MALRD1: variants seen among roughly 807,000 people sequenced by gnomAD.
MALRD1 encodes MAM and LDL-receptor class A domain-containing protein 1.
A neutral mutation model predicts 242.1 loss-of-function variants in MALRD1; 247 were observed. The ratio of observed to expected loss-of-function variants is 1.02; its 90% CI spans 0.92 to 1.13. The LOEUF is 1.13. Among genes scored for constraint, MALRD1 ranks in the 50% most tolerant of loss-of-function variants. The pLI is 0.00. For missense variants in MALRD1, 2,989 were observed against 2,533.1 expected, an observed-to-expected ratio of 1.18 and a Z score of -3.86; for synonymous variants, 995 against 866.6, an observed-to-expected ratio of 1.15 and a Z score of -2.60.
At chr10:19,205,898 G>C (rs1371158964) in intron 17 of MALRD1, among the ~76,000 whole-genome samples, 1 of 133,290 alleles carries the variant, frequency 7.5e-6, no homozygotes, top group East Asian at 2.5e-4. Context: ...AAATAAGTTA[G>C]AAGTTAATAG....
chr10:19,540,709 C>T (rs1482012199), intron 32 of MALRD1, among the ~76,000 whole-genome samples: 4 of 151,944 alleles, frequency 2.6e-5, no homozygotes, highest in East Asian at 3.9e-4. Context: ...TTTCTCCAGG[C>T]ATATGTTGAG....
In MALRD1 at chr10:19,691,621, A is replaced by G. The variant is rs560182864; in HGVS notation, c.6138-661A>G. On this transcript the variant is annotated intron_variant, in intron 36 of 39. Transcript: ENST00000454679. ...CAATACATTTACTGCTTAGCAATAA[A>G]CCTTATCCCTTAGAGGCAGAAGGTA... Among the ~76,000 whole-genome samples the G allele has an allele frequency of 1.8e-4, 27 of 152,124 alleles. 1 individual carries two copies. In the South Asian group the frequency reaches 5.4e-3, roughly 30 times the overall value.
intron 34 of MALRD1, among the ~76,000 whole-genome samples, chr10:19,606,661 C>T (rs894167707): frequency 2.0e-5 from 3 of 152,078 alleles, no homozygotes; most frequent in African/African-American, 4.8e-5. Flanking sequence ...TCCCATTAAA[C>T]ACTCTGAGAA....
At chr10:19,164,252 T>G (rs1398030726) in intron 12 of MALRD1, among the ~76,000 whole-genome samples, 1 of 152,184 alleles carries the variant, frequency 6.6e-6, no homozygotes, top group Non-Finnish European at 1.5e-5. Flanking sequence ...AATAGAATGC[T>G]TGGTGTTTTA....
intron 36 of MALRD1, among the ~76,000 whole-genome samples, chr10:19,671,241 G>A (rs1188502982): frequency 6.6e-6 from 1 of 152,074 alleles, no homozygotes; most frequent in Non-Finnish European, 1.5e-5. Flanking sequence ...AATATGGAAT[G>A]TAAATCCCAT....
At chr10:19,481,580 A>G (rs1169580089) in intron 29 of MALRD1, among the ~76,000 whole-genome samples, 5 of 152,174 alleles carry the variant, frequency 3.3e-5, no homozygotes, top group African/African-American at 1.2e-4. Context: ...CCCAAATTAT[A>G]TGTCCCCTTT....
intron 21 of MALRD1, among the ~76,000 whole-genome samples, chr10:19,292,656 G>A (rs1034031590): frequency 1.3e-5 from 2 of 152,058 alleles, no homozygotes; most frequent in Non-Finnish European, 2.9e-5. Context: ...ACTTTGGGAG[G>A]CTGAGGCGGG....
intron 34 of MALRD1, among the ~76,000 whole-genome samples, chr10:19,597,572 C>T (rs1245372332): frequency 6.6e-6 from 1 of 152,172 alleles, no homozygotes; most frequent in Non-Finnish European, 1.5e-5. Flanking sequence ...TTTGTAAACT[C>T]ACATTCATTC....
intron 14 of MALRD1, among the ~76,000 whole-genome samples, chr10:19,199,301 C>A (rs1398406703): frequency 1.3e-5 from 2 of 152,230 alleles, no homozygotes; most frequent in Middle Eastern, 3.4e-3. Flanking sequence ...GTATCATCTT[C>A]CATTAAAAAC....
chr10:19,095,725 G>A (rs2131314431), intron 4 of MALRD1, among the ~76,000 whole-genome samples: 2 of 152,242 alleles, frequency 1.3e-5, no homozygotes, highest in Admixed American at 1.3e-4. Flanking sequence ...CACCAATAAT[G>A]TATTTAATTT....
intron 38 of MALRD1, among the ~76,000 whole-genome samples, chr10:19,706,776 T>C (rs1368695075): frequency 6.6e-6 from 1 of 152,158 alleles, no homozygotes; most frequent in Non-Finnish European, 1.5e-5. Context: ...CTGGCTTTTA[T>C]GGATTTCATT....
At chr10:19,148,743 G>A (rs796740645) in intron 11 of MALRD1, among the ~76,000 whole-genome samples, 9 of 136,310 alleles carry the variant, frequency 6.6e-5, no homozygotes, top group South Asian at 2.3e-4. Flanking sequence ...GGACAAAAAC[G>A]CAGTCTTTCT....
chr10:19,633,528 A>G (rs925977998), intron 36 of MALRD1, among the ~76,000 whole-genome samples: 6 of 152,048 alleles, frequency 3.9e-5, no homozygotes, highest in Admixed American at 3.9e-4. Context: ...AAAATATACA[A>G]ATCCTACAGA....
intron 1 of MALRD1, among the ~76,000 whole-genome samples, chr10:19,056,451 A>G (rs543253972): frequency 7.2e-5 from 11 of 152,068 alleles, no homozygotes; most frequent in South Asian, 2.1e-4. Flanking sequence ...ATGTGTTGCT[A>G]TTGTAAATGG....
At chr10:19,200,032 G>T (rs1243285699) in intron 14 of MALRD1, among the ~76,000 whole-genome samples, 4 of 152,094 alleles carry the variant, frequency 2.6e-5, no homozygotes, top group Admixed American at 6.6e-5. Context: ...AGGAGGCTGA[G>T]TCGGAGAACG....
At chr10:19,496,715 G>A (rs529461689) in intron 30 of MALRD1, among the ~76,000 whole-genome samples, 26 of 152,242 alleles carry the variant, frequency 1.7e-4, no homozygotes, top group African/African-American at 6.3e-4. Context: ...GGATGACTAA[G>A]GCCAATACAG....
intron 36 of MALRD1, among the ~76,000 whole-genome samples, chr10:19,628,531 C>A (rs1023281664): frequency 6.6e-6 from 1 of 151,636 alleles, no homozygotes. Flanking sequence ...ATATTAAGAT[C>A]CTATTTGGAG....
At chr10:19,632,577 C>T (rs1211055555) in intron 36 of MALRD1, among the ~76,000 whole-genome samples, 1 of 151,834 alleles carries the variant, frequency 6.6e-6, no homozygotes, top group Admixed American at 6.6e-5. Flanking sequence ...TTTTTGATAA[C>T]AAAAATTCTA....
At chr10:19,556,522 C>T (rs1351220574) in intron 32 of MALRD1, among the ~76,000 whole-genome samples, 3 of 152,200 alleles carry the variant, frequency 2.0e-5, no homozygotes, top group South Asian at 4.1e-4. Context: ...ACAGTAACTA[C>T]GCTTTTCAGA....
Sources: allele counts gnomAD v4.1 joint callset (sites outside exome capture counted in the v4.1 genomes callset), GRCh38; gene constraint gnomAD v4.1.1; transcripts MANE v1.5; gene names NCBI Gene and HGNC (gene_info 2026-07-23, HGNC 2026-07-21).